Variants in MYO16 observed in about 807,000 individuals in gnomAD.
MYO16 encodes the protein unconventional myosin-XVI.
A neutral mutation model predicts 205.3 loss-of-function variants in MYO16; 94 were observed. The ratio of observed to expected loss-of-function variants is 0.46; its 90% CI spans 0.39 to 0.54. The LOEUF (loss-of-function observed/expected upper bound fraction) is 0.54, where lower values mean the gene tolerates loss of function less well. Ranked by LOEUF, MYO16 falls within the 20% of genes least tolerant of loss-of-function variation. MYO16 has a pLI of 0.00. For missense variants in MYO16, 2,315 were observed against 2,387.5 expected, an observed-to-expected ratio of 0.97 and a Z score of 0.63; for synonymous variants, 988 against 954.0, an observed-to-expected ratio of 1.04 and a Z score of -0.66.
At chr13:109,124,846 T>A (rs549621225) in intron 29 of MYO16, among the ~76,000 whole-genome samples, 3 of 152,172 alleles carry the variant, frequency 2.0e-5, no homozygotes, top group African/African-American at 7.2e-5. Flanking sequence ...TCCCACTGAT[T>A]TAACTCCAGT....
At chr13:108,963,520 A>G (rs771647112) in intron 19 of MYO16, among the ~76,000 whole-genome samples, 7 of 152,154 alleles carry the variant, frequency 4.6e-5, no homozygotes, top group Non-Finnish European at 7.3e-5. Flanking sequence ...TTACAGCAAG[A>G]CACTCCTGGT....
At chr13:108,624,637 C>T (rs1377695086), upstream of MYO16, among the ~76,000 whole-genome samples, 1 of 152,136 alleles carries the variant, frequency 6.6e-6, no homozygotes, top group Admixed American at 6.6e-5. Flanking sequence ...CTTACAAATG[C>T]TTTACAAATG....
At chr13:108,887,537 A>G (rs1002575680) in intron 13 of MYO16, among the ~76,000 whole-genome samples, 9 of 152,144 alleles carry the variant, frequency 5.9e-5, no homozygotes, top group African/African-American at 1.4e-4. Flanking sequence ...ATCCTATATC[A>G]TATAGTGTCA....
rs373428207 is a variant in MYO16, at chr13:108,801,375, T to C, written c.742-5304T>C. Among the ~76,000 whole-genome samples, 94 of 152,320 alleles carry C rather than the reference T, an allele frequency of 6.2e-4. No homozygotes were observed. The South Asian group carries it at 0.019, about 30-fold the overall frequency. ...GCTGGACTGTAGGTGAATTGGTACA[T>C]TCTAGAACTCTGCATGGCAGCATGC... On this transcript the variant is annotated intron_variant, in intron 6 of 34. Coordinates refer to ENST00000457511, the MANE Select transcript of MYO16 (RefSeq NM_001198950.3).
intron 1 of MYO16, among the ~76,000 whole-genome samples, chr13:108,664,695 A>T (rs577928868): frequency 6.6e-6 from 1 of 152,234 alleles, no homozygotes; most frequent in Non-Finnish European, 1.5e-5. Context: ...ATATAAACAC[A>T]TCTGAATCTG....
Position 109,162,803 on chromosome 13 carries a change from A to G in MYO16, c.5165-2098A>G, listed in dbSNP as rs1220966925. Reference sequence around the variant, plus strand: ...AAAGCAGGTGAGTACATCTTGAGCCAGTTTTAAAACAGAACCTGTTTTACT... The same window carrying G: ...AAAGCAGGTGAGTACATCTTGAGCCGGTTTTAAAACAGAACCTGTTTTACT... On this transcript the variant is annotated intron_variant, in intron 32 of 34. Transcript: ENST00000457511. This position sits in a 1 kb window ranked among gnomAD's most constrained non-coding sequence, Gnocchi z 4.6. Among the ~76,000 whole-genome samples, 1 of 152,024 alleles carries G rather than the reference A, an allele frequency of 6.6e-6. No homozygotes were observed. Among genetic ancestry groups the G allele is most frequent in the Non-Finnish European group, 1.5e-5 (1 of 68,002 alleles).
intron 14 of MYO16, among the ~76,000 whole-genome samples, chr13:108,893,025 C>A (rs538619183): frequency 6.6e-6 from 1 of 152,260 alleles, no homozygotes; most frequent in African/African-American, 2.4e-5. Context: ...ATAAAAGATT[C>A]ATAAATAAAT....
intron 6 of MYO16, among the ~76,000 whole-genome samples, chr13:108,795,411 T>C (rs1424253909): frequency 2.0e-5 from 3 of 152,126 alleles, no homozygotes; most frequent in Admixed American, 6.6e-5. Flanking sequence ...GGTTTCACCA[T>C]GTTAGCCAGG....
chr13:108,598,391 G>A (rs1473065258), intron 1 of MYO16, among the ~76,000 whole-genome samples: 1 of 152,200 alleles, frequency 6.6e-6, no homozygotes, highest in South Asian at 2.1e-4. Flanking sequence ...ATTCTTATTT[G>A]TGTTAAGTGA....
At chr13:108,946,069 A>G (rs1882927864) in intron 16 of MYO16, among the ~76,000 whole-genome samples, 1 of 152,180 alleles carries the variant, frequency 6.6e-6, no homozygotes. Context: ...TTATCTTATC[A>G]GTGAAGGCAA....
chr13:108,716,746 G>A (rs1883959337), intron 3 of MYO16, among the ~76,000 whole-genome samples: 1 of 152,146 alleles, frequency 6.6e-6, no homozygotes, highest in Non-Finnish European at 1.5e-5. Flanking sequence ...AAGAGAGAAT[G>A]CGAGTGTGGG....
intron 27 of MYO16, among the ~76,000 whole-genome samples, chr13:109,087,669 C>T (rs1218359830): frequency 6.6e-6 from 1 of 152,114 alleles, no homozygotes; most frequent in Non-Finnish European, 1.5e-5. Flanking sequence ...AAAAACTCCA[C>T]AACGCTCTTT....
rs573121547 is a variant in MYO16 at position 108,900,732 on chromosome 13, C to T, written c.1777+2599C>T. On this transcript the variant is annotated intron_variant, in intron 15 of 34. Coordinates refer to ENST00000457511, the MANE Select transcript of MYO16 (RefSeq NM_001198950.3). ...TTAACTGTACGAATTGTTTGTAGAGCATGTGTGTTTGAACAATATGAAATC... is the reference window on the plus strand; with the variant it reads ...TTAACTGTACGAATTGTTTGTAGAGTATGTGTGTTTGAACAATATGAAATC... Among the ~76,000 whole-genome samples, 4 of 152,206 alleles carry T rather than the reference C, an allele frequency of 2.6e-5. No individual in the cohort carries two copies. In the East Asian group the frequency reaches 7.7e-4, roughly 29 times the overall value.
chr13:108,529,189 T>A, the MYO16 span, among the ~76,000 whole-genome samples: 1 of 152,324 alleles, frequency 6.6e-6, no homozygotes, highest in African/African-American at 2.4e-5. Context: ...ATTGTTAGCA[T>A]AAATATTTTC....
intron 4 of MYO16, among the ~76,000 whole-genome samples, chr13:108,744,485 G>T (rs1241013602): frequency 6.6e-6 from 1 of 152,054 alleles, no homozygotes; most frequent in Non-Finnish European, 1.5e-5. Flanking sequence ...TTGCTTTATT[G>T]TTCCTCTCAC....
intron 31 of MYO16, among the ~76,000 whole-genome samples, chr13:109,135,589 T>A (rs1876740202): frequency 6.6e-6 from 1 of 152,188 alleles, no homozygotes; most frequent in Non-Finnish European, 1.5e-5. Flanking sequence ...AGCCTTGAGC[T>A]CCTAGCCTGA....
chr13:108,717,494 G>A (rs2139562418), intron 3 of MYO16, among the ~76,000 whole-genome samples: 1 of 152,044 alleles, frequency 6.6e-6, no homozygotes, highest in South Asian at 2.1e-4. Flanking sequence ...GCCGGGCGTG[G>A]TGGTGGGCGC....
At chr13:108,978,140 T>C (rs935367348) in intron 20 of MYO16, among the ~76,000 whole-genome samples, 2 of 152,092 alleles carry the variant, frequency 1.3e-5, no homozygotes, top group Admixed American at 1.3e-4. Context: ...GTTTCTTATG[T>C]TGATCTCATA....
At chr13:108,600,799 A>G (rs1878733166) in intron 1 of MYO16, among the ~76,000 whole-genome samples, 4 of 152,122 alleles carry the variant, frequency 2.6e-5, no homozygotes, top group Non-Finnish European at 5.9e-5. Flanking sequence ...CCCCTAACAG[A>G]CCTGTTAGTG....
Sources: allele counts gnomAD v4.1 joint callset (sites outside exome capture counted in the v4.1 genomes callset), GRCh38; gene constraint gnomAD v4.1.1; non-coding constraint Gnocchi (gnomAD v3.1); transcripts MANE v1.5; gene names NCBI Gene and HGNC (gene_info 2026-07-23, HGNC 2026-07-21).